The following PARD3B variants were observed in gnomAD, a reference collection of about 807,000 sequenced individuals.
The protein encoded by PARD3B is partitioning defective 3 homolog B.
PARD3B carries 103 observed loss-of-function variants against 130.2 expected under a neutral mutation model. The observed-to-expected ratio is 0.79, with a 90% CI of 0.67 to 0.93. The LOEUF is 0.93. Ranked by LOEUF, PARD3B falls within the 40% of genes least tolerant of loss-of-function variation. The probability of loss-of-function intolerance (pLI) is 0.00; values close to 1 mark genes in which losing one functional copy is unlikely to be tolerated. For synonymous variants in PARD3B, 583 were observed against 553.2 expected (o/e 1.05, Z -0.76); for missense variants, 1,609 against 1,499.2 (o/e 1.07, Z -1.21).
chr2:204,861,803 A>G (rs1346626048), intron 2 of PARD3B, among the ~76,000 whole-genome samples: 1 of 151,990 alleles, frequency 6.6e-6, no homozygotes, highest in Non-Finnish European at 1.5e-5. Flanking sequence ...AGACAGGTTC[A>G]GATAAGAAGG....
chr2:205,523,874 A>T (rs1211946544), intron 21 of PARD3B, among the ~76,000 whole-genome samples: 3 of 135,512 alleles, frequency 2.2e-5, no homozygotes, highest in African/African-American at 5.7e-5. Context: ...GTATATTTTT[A>T]AATCCTTAAA....
In PARD3B at chr2:205,208,259, A is replaced by G. The variant is rs1225757660; in HGVS notation, c.2140+14939A>G. 2.1e-4 allele frequency among the ~76,000 whole-genome samples: 24 copies of G among 116,252 alleles called. 1 individual carries two copies. The highest frequency in any genetic ancestry group is 3.6e-4 in the Non-Finnish European group (21 of 58,236). The allele number at this position is 116,252 out of a possible 152,430, so 76.3% of individuals were successfully genotyped here. ...TATCTATGACAGACCCACAGCCAAT[A>G]TCATACTGAATGGGCAAAAACTGGA... On this transcript the variant is annotated intron_variant, in intron 15 of 22. Transcript: ENST00000406610.
chr2:204,966,671 G>A (rs1415330924), intron 3 of PARD3B, among the ~76,000 whole-genome samples: 1 of 151,828 alleles, frequency 6.6e-6, no homozygotes, highest in Non-Finnish European at 1.5e-5. Context: ...GCTTTGTCAG[G>A]GAAAAAAGAT....
chr2:204,603,949 G>A (rs1434091882), intron 1 of PARD3B, among the ~76,000 whole-genome samples: 1 of 152,060 alleles, frequency 6.6e-6, no homozygotes, highest in Admixed American at 6.6e-5. Flanking sequence ...CTAAATCCTT[G>A]GGTAATTTTG....
At chr2:205,284,921 C>A (rs2041332091) in intron 16 of PARD3B, among the ~76,000 whole-genome samples, 1 of 151,544 alleles carries the variant, frequency 6.6e-6, no homozygotes, top group South Asian at 2.1e-4. Context: ...TAAATTTTTA[C>A]CCAGAACAAG....
At chr2:204,767,171 C>T (rs2041203634) in intron 2 of PARD3B, among the ~76,000 whole-genome samples, 1 of 59,384 alleles carries the variant, frequency 1.7e-5, no homozygotes, top group Non-Finnish European at 3.4e-5. Flanking sequence ...CACCACAGTC[C>T]CCAGAGTGTG....
At chr2:205,013,032 A>G (rs942665716) in intron 3 of PARD3B, among the ~76,000 whole-genome samples, 4 of 152,236 alleles carry the variant, frequency 2.6e-5, no homozygotes, top group African/African-American at 9.6e-5. Flanking sequence ...CTTAAAATCT[A>G]CGTAGCGTTT....
In PARD3B at chr2:205,448,335, C is replaced by G. The variant is rs2047979714; in HGVS notation, c.3044+7663C>G. On this transcript the variant is annotated intron_variant, in intron 20 of 22. Transcript: ENST00000406610. ...TATCCTTTGATTTTAATCCTTTACA[C>G]TTATTAATGTGGCCTAAGCTTTTAT... 2.0e-5 allele frequency among the ~76,000 whole-genome samples: 3 copies of G among 152,160 alleles called. No homozygotes were observed. In the South Asian group the frequency reaches 6.2e-4, roughly 32 times the overall value.
intron 1 of PARD3B, among the ~76,000 whole-genome samples, chr2:204,607,782 A>G (rs1228959475): frequency 1.3e-5 from 2 of 152,144 alleles, no homozygotes; most frequent in African/African-American, 2.4e-5. Context: ...GTACTAACAG[A>G]CTTCGCGAGA....
chr2:204,630,396 AG>A (rs1431586082), intron 1 of PARD3B, among the ~76,000 whole-genome samples: 1 of 152,198 alleles, frequency 6.6e-6, no homozygotes, highest in African/African-American at 2.4e-5. Flanking sequence ...GGGATGGTAC[AG>A]TTTCATGAAA....
intron 2 of PARD3B, among the ~76,000 whole-genome samples, chr2:204,903,458 A>G (rs531474510): frequency 8.5e-5 from 13 of 152,328 alleles, no homozygotes; most frequent in Admixed American, 3.3e-4. Context: ...CAAATTGGCT[A>G]AAACCATTAT....
chr2:204,807,956 A>C (rs1357200073), intron 2 of PARD3B, among the ~76,000 whole-genome samples: 2 of 152,024 alleles, frequency 1.3e-5, no homozygotes, highest in Non-Finnish European at 2.9e-5. Flanking sequence ...TAACTAAAAG[A>C]GTATAACTGG....
At chr2:205,551,851 T>C (rs879640212) in intron 21 of PARD3B, among the ~76,000 whole-genome samples, 1 of 152,168 alleles carries the variant, frequency 6.6e-6, no homozygotes, top group African/African-American at 2.4e-5. Flanking sequence ...TTCCTTCCTG[T>C]GCTTACTGGC....
Position 205,301,329 on chromosome 2 carries a change from G to T in PARD3B, c.2393-135G>T, listed in dbSNP as rs928924262. The T allele has an allele frequency of 2.1e-6, 3 of 1,416,522 alleles. No homozygotes were observed. Among genetic ancestry groups the T allele is most frequent in the Non-Finnish European group, 2.8e-6 (3 of 1,059,474 alleles). The allele number at this position is 1,416,522 out of a possible 1,614,324, so 87.7% of individuals were successfully genotyped here. A position where few individuals can be genotyped will look rare whatever the true frequency, so the allele number is the denominator to read the frequency against. ...TTAGGCAGTCAGATCTTCAAAGGGC[G>T]CACGTAACCACATAGAAGGGTAGAA... On this transcript the variant is annotated intron_variant, in intron 17 of 22. Coordinates refer to ENST00000406610, the MANE Select transcript of PARD3B (RefSeq NM_001302769.2). This position sits in a 1 kb window ranked among gnomAD's most constrained non-coding sequence, Gnocchi z 5.2.
chr2:204,902,992 A>G lies in PARD3B; in HGVS notation c.223-62160A>G, dbSNP rs183323631. Among the ~76,000 whole-genome samples, 729 of 152,344 alleles carry G rather than the reference A, an allele frequency of 4.8e-3. 4 individuals are homozygous for G. The highest frequency in any genetic ancestry group is 6.7e-3 in the African/African-American group (279 of 41,572). ...TGCCAAGATATCCTGTGGCTGTAGC[A>G]AGAGTTTCAGAGAGAAAACTCAAGG... On this transcript the variant is annotated intron_variant, in intron 2 of 22. Transcript: ENST00000406610.
Position 205,301,304 on chromosome 2 carries a change from T to C in PARD3B, c.2393-160T>C, listed in dbSNP as rs1452637872. On this transcript the variant is annotated intron_variant, in intron 17 of 22. Transcript: ENST00000406610. This position sits in a 1 kb window ranked among gnomAD's most constrained non-coding sequence, Gnocchi z 5.2. ...CAAGTCTTGCTCGAAGTAACCAGAT[T>C]TAGGCAGTCAGATCTTCAAAGGGCG... 6.6e-6 allele frequency among the ~76,000 whole-genome samples: 1 copy of C among 152,150 alleles called. No individual in the cohort carries two copies. Among genetic ancestry groups the C allele is most frequent in the Non-Finnish European group, 1.5e-5 (1 of 68,020 alleles).
chr2:205,166,342 T>A (rs576535253), intron 11 of PARD3B, among the ~76,000 whole-genome samples: 186 of 152,142 alleles, frequency 1.2e-3, no homozygotes, highest in Non-Finnish European at 1.5e-3. Flanking sequence ...GAGGAGTAAG[T>A]AGACTTTGAA....
chr2:205,118,358 A>G (rs1000893492), intron 6 of PARD3B, among the ~76,000 whole-genome samples: 51 of 152,140 alleles, frequency 3.4e-4, no homozygotes, highest in African/African-American at 1.2e-3. Context: ...ATACTCCTCC[A>G]TCCTGATCAC....
At chr2:205,228,111 T>C (rs2038655821) in intron 15 of PARD3B, among the ~76,000 whole-genome samples, 1 of 152,212 alleles carries the variant, frequency 6.6e-6, no homozygotes, top group Admixed American at 6.5e-5. Flanking sequence ...TTTTAGTCTT[T>C]CTGCTCAAGG....
Sources: allele counts gnomAD v4.1 joint callset (sites outside exome capture counted in the v4.1 genomes callset), GRCh38; gene constraint gnomAD v4.1.1; non-coding constraint Gnocchi (gnomAD v3.1); transcripts MANE v1.5; gene names NCBI Gene and HGNC (gene_info 2026-07-23, HGNC 2026-07-21).